AMPD3: variants seen among roughly 807,000 people sequenced by gnomAD.
AMPD3 encodes the protein adenosine monophosphate deaminase 3, also known as AMP deaminase 3.
AMPD3 carries 57 observed loss-of-function variants against 82.3 expected under a neutral mutation model. The ratio of observed to expected loss-of-function variants is 0.69; its 90% CI spans 0.56 to 0.86. AMPD3 has a LOEUF of 0.86. Among genes scored for constraint, AMPD3 ranks in the 40% least tolerant of loss-of-function variants. The pLI, the probability that AMPD3 is intolerant of heterozygous loss-of-function variation, is 0.00. For missense variants in AMPD3, 870 were observed against 1,003.8 expected, an observed-to-expected ratio of 0.87 and a Z score of 1.80; for synonymous variants, 381 against 394.7, an observed-to-expected ratio of 0.97 and a Z score of 0.41.
chr11:10,450,864 C>G (rs1847941879), upstream of AMPD3: 1 of 1,216,430 alleles, frequency 8.2e-7, no homozygotes, highest in Admixed American at 4.5e-5. Flanking sequence ...GGATCCGCAG[C>G]GCTGCGCCCT....
chr11:10,486,252 G>C lies in AMPD3; in HGVS notation c.810-983G>C, dbSNP rs1170957556. Among the ~76,000 whole-genome samples the C allele has an allele frequency of 2.0e-5, 3 of 152,176 alleles. No individual in the cohort carries two copies. The East Asian group carries it at 5.8e-4, about 29-fold the overall frequency. On this transcript the variant is annotated intron_variant, in intron 5 of 14. Transcript: ENST00000396553. ...CTGTCCTGTGCTCCGTCCACTCTGGGGCTTGTCTGGGCAGATGGATGACTG... is the reference window on the plus strand; with the variant it reads ...CTGTCCTGTGCTCCGTCCACTCTGGCGCTTGTCTGGGCAGATGGATGACTG...
At position 10,501,530 on chromosome 11, in the gene AMPD3, C is replaced by T. The variant is rs1188228235; in HGVS notation, c.1782C>T (p.Thr594=). The change falls in exon 12 of 15, where the codon ACC becomes ACT. Residue 594 remains threonine, a synonymous_variant. Coordinates refer to ENST00000396553, the MANE Select transcript of AMPD3 (RefSeq NM_001025389.2). ...ACTGTGGGGAAGCCGGCTCCATCAC[C>T]CACCTGGTGTCTGCCTTCCTCACTG... ...RPHCGEAGSI[T]HLVSAFLTAD... is the part of the protein sequence containing the mutation. 1 of 1,614,148 alleles carries T rather than the reference C, an allele frequency of 6.2e-7. No individual in the cohort carries two copies. The highest frequency in any genetic ancestry group is 1.7e-5 in the Admixed American group (1 of 60,020).
intron 2 of AMPD3, among the ~76,000 whole-genome samples, chr11:10,477,730 G>A (rs999985755): frequency 2.6e-5 from 4 of 152,148 alleles, no homozygotes; most frequent in African/African-American, 7.2e-5. Flanking sequence ...GGTACACGGC[G>A]GGCTAGAGGA....
intron 1 of AMPD3, chr11:10,461,201 C>T (rs1381669876): frequency 1.6e-6 from 2 of 1,246,938 alleles, no homozygotes; most frequent in Non-Finnish European, 2.0e-6. Flanking sequence ...GGAACAAAGT[C>T]AGGAGGGCAG....
At position 10,502,398 on chromosome 11, in the gene AMPD3, A is replaced by G. The variant is rs142252110; in HGVS notation, c.1843-323A>G. On this transcript the variant is annotated intron_variant, in intron 12 of 14. Transcript: ENST00000396553. Reference sequence around the variant, plus strand: ...TAGACTGGGTCCGTGCCTAGGAGAAAGGAGCTGAAGGTGTAGGCTGGAGTG... The same window carrying G: ...TAGACTGGGTCCGTGCCTAGGAGAAGGGAGCTGAAGGTGTAGGCTGGAGTG... 3.3e-4 allele frequency: 330 copies of G among 985,450 alleles called. No homozygotes were observed. The African/African-American group carries it at 5.4e-3, about 16-fold the overall frequency. The allele number at this position is 985,450 out of a possible 1,614,324, so 61.0% of individuals were successfully genotyped here. A position where few individuals can be genotyped will look rare whatever the true frequency, so the allele number is the denominator to read the frequency against.
At chr11:10,483,912 G>T (rs1848989097) in intron 4 of AMPD3, among the ~76,000 whole-genome samples, 1 of 152,230 alleles carries the variant, frequency 6.6e-6, no homozygotes, top group South Asian at 2.1e-4. Flanking sequence ...TGCTGGCTGA[G>T]CTGCATGGAG....
chr11:10,472,471 G>A (rs183754366), intron 2 of AMPD3, among the ~76,000 whole-genome samples: 2 of 152,012 alleles, frequency 1.3e-5, no homozygotes, highest in African/African-American at 2.4e-5. Flanking sequence ...AGGATATAGA[G>A]GGAAAAATTT....
At chr11:10,502,031 C>G (rs1849595195) in intron 12 of AMPD3, 1 of 985,424 alleles carries the variant, frequency 1.0e-6, no homozygotes. Flanking sequence ...GCCACTTTGT[C>G]TGTAATTGAC....
intron 3 of AMPD3, chr11:10,481,451 T>G: frequency 3.0e-6 from 3 of 985,388 alleles, no homozygotes; most frequent in Non-Finnish European, 3.6e-6. Flanking sequence ...GGCCGGCTTC[T>G]GGGTGTGCAG....
At chr11:10,450,708 C>A (rs1847938083), upstream of AMPD3, 3 of 1,086,612 alleles carry the variant, frequency 2.8e-6, no homozygotes, top group South Asian at 4.5e-5. Flanking sequence ...CCGTTGGCGG[C>A]GCGGCCCGGG....
chr11:10,487,078 A>T, intron 5 of AMPD3, 157 bp from the exon 6 acceptor site: 1 of 961,884 alleles, frequency 1.0e-6, no homozygotes. Flanking sequence ...ATGACTCAAC[A>T]GTTCAGCAGG....
In AMPD3 at chr11:10,500,072, C is replaced by A. The variant is rs759301174; in HGVS notation, c.1558-14C>A. On this transcript the variant is annotated splice_polypyrimidine_tract_variant and intron_variant, in intron 10 of 14. Coordinates refer to ENST00000396553, the MANE Select transcript of AMPD3 (RefSeq NM_001025389.2). ...TCCTGCCTTGGCCTGGTGCTCAGGA[C>A]CTCTCCTGCCCAGGTGACGGGGTTT... 2 of 1,614,148 alleles carry A rather than the reference C, an allele frequency of 1.2e-6. No individual in the cohort carries two copies. Among genetic ancestry groups the A allele is most frequent in the Non-Finnish European group, 1.7e-6 (2 of 1,180,010 alleles).
chr11:10,494,619 C>G, intron 7 of AMPD3: 2 of 985,440 alleles, frequency 2.0e-6, no homozygotes, highest in East Asian at 1.1e-4. Flanking sequence ...TGCAGCCTCT[C>G]TGCTCACTAA....
In AMPD3 at chr11:10,493,558, G is replaced by T; in HGVS notation, c.1134+15G>T. On this transcript the variant is annotated intron_variant, in intron 7 of 14. Coordinates refer to ENST00000396553, the MANE Select transcript of AMPD3 (RefSeq NM_001025389.2). The stretch of plus-strand genomic sequence containing the variant: ...ATGTCCACGCGGTGAGTGAGCTTCT[G>T]CTCCAGTGCCGCCAGCAGACAGCAG... 6.2e-7 allele frequency: 1 copy of T among 1,613,180 alleles called. No individual in the cohort carries two copies. The highest frequency in any genetic ancestry group is 8.5e-7 in the Non-Finnish European group (1 of 1,179,614).
intron 1 of AMPD3, among the ~76,000 whole-genome samples, chr11:10,457,167 G>T (rs947399393): frequency 7.3e-5 from 11 of 151,412 alleles, no homozygotes; most frequent in Admixed American, 7.2e-4. Context: ...TTTTTGTAGA[G>T]ATGAGGTTCT....
upstream of AMPD3, chr11:10,450,699 C>G (rs1446260595): frequency 1.6e-5 from 17 of 1,071,176 alleles, no homozygotes; most frequent in Non-Finnish European, 1.8e-5. Flanking sequence ...TCAAGTTTCC[C>G]GTTGGCGGCG....
chr11:10,499,215 TTTTG>T (rs778102707), intron 10 of AMPD3: 2 of 152,818 alleles, frequency 1.3e-5, no homozygotes, highest in Non-Finnish European at 2.9e-5. Flanking sequence ...AACCTGTTTT[TTTTG>T]TTTGTTTGTT....
intron 5 of AMPD3, 196 bp from the exon 6 acceptor site, chr11:10,487,039 T>G: frequency 1.0e-6 from 1 of 979,728 alleles, no homozygotes; most frequent in South Asian, 4.7e-5. Flanking sequence ...ATCTCCTGAC[T>G]CTCCACTGAC....
chr11:10,504,370 C>A, intron 13 of AMPD3, 179 bp from the exon 14 acceptor site: 1 of 479,688 alleles, frequency 2.1e-6, no homozygotes, highest in Non-Finnish European at 2.7e-6. Flanking sequence ...CTTTGATAAC[C>A]CATGATTTTA....
Sources: allele counts gnomAD v4.1 joint callset (sites outside exome capture counted in the v4.1 genomes callset), GRCh38; gene constraint gnomAD v4.1.1; transcripts MANE v1.5; gene names NCBI Gene and HGNC (gene_info 2026-07-23, HGNC 2026-07-21).